Variants in OXR1 observed in about 807,000 individuals in gnomAD.
OXR1 encodes oxidation resistance protein 1.
Under a neutral mutation model 104.6 loss-of-function variants are expected in OXR1, and 41 were observed. That is an observed-to-expected ratio of 0.39 (90% CI 0.31 to 0.51). The LOEUF is 0.51. OXR1 is among the 20% of genes least tolerant of loss of function. OXR1 has a pLI of 0.77. For missense variants in OXR1, 955 were observed against 1,031.9 expected (o/e 0.93, Z 1.02); for synonymous variants, 348 against 348.4 (o/e 1.00, Z 0.01).
chr8:106,393,967 T>A (rs1817680249), intron 2 of OXR1, among the ~76,000 whole-genome samples: 1 of 152,140 alleles, frequency 6.6e-6, no homozygotes, highest in South Asian at 2.1e-4. Flanking sequence ...TTTAGCTATT[T>A]CTGTTTAACA....
chr8:106,651,288 C>A (rs1824549519), intron 3 of OXR1, among the ~76,000 whole-genome samples: 1 of 152,134 alleles, frequency 6.6e-6, no homozygotes, highest in African/African-American at 2.4e-5. Flanking sequence ...AGTAATGAAG[C>A]AAATTTGTTG....
chr8:106,365,637 A>C (rs1816440054), intron 2 of OXR1, among the ~76,000 whole-genome samples: 1 of 152,270 alleles, frequency 6.6e-6, no homozygotes, highest in African/African-American at 2.4e-5. Flanking sequence ...GATTAATACT[A>C]TTTTGATTTG....
chr8:106,357,264 T>C (rs528426915), intron 1 of OXR1, among the ~76,000 whole-genome samples: 2 of 151,830 alleles, frequency 1.3e-5, no homozygotes, highest in East Asian at 1.9e-4. Context: ...TCGATAAAAA[T>C]GAGGCAATAC....
At chr8:106,584,305 T>TA (rs1293408869) in intron 3 of OXR1, among the ~76,000 whole-genome samples, 1 of 147,446 alleles carries the variant, frequency 6.8e-6, no homozygotes, top group Non-Finnish European at 1.5e-5. Context: ...ATACCAGACT[T>TA]AAAAAAAGAG....
intron 3 of OXR1, among the ~76,000 whole-genome samples, chr8:106,649,851 C>T (rs1045810384): frequency 6.6e-6 from 1 of 152,060 alleles, no homozygotes; most frequent in Non-Finnish European, 1.5e-5. Flanking sequence ...CACCCACCGC[C>T]ACGCCCAGCT....
At chr8:106,451,929 T>A (rs74700190) in intron 2 of OXR1, among the ~76,000 whole-genome samples, 2,042 of 152,318 alleles carry the variant, frequency 0.013, 40 homozygotes, top group African/African-American at 0.044. Context: ...GCAGGAACGC[T>A]GCTACTGCTC....
intron 2 of OXR1, among the ~76,000 whole-genome samples, chr8:106,385,111 G>A (rs1038239847): frequency 6.6e-6 from 1 of 152,024 alleles, no homozygotes; most frequent in African/African-American, 2.4e-5. Context: ...TCTTCTTAAG[G>A]GACAGAAATA....
At chr8:106,490,445 G>A (rs1195742923) in intron 2 of OXR1, among the ~76,000 whole-genome samples, 3 of 152,092 alleles carry the variant, frequency 2.0e-5, no homozygotes, top group Non-Finnish European at 4.4e-5. Flanking sequence ...TGCAACCTCC[G>A]TCTCCCAGGT....
chr8:106,686,632 C>T (rs1828756037), intron 6 of OXR1, among the ~76,000 whole-genome samples: 1 of 151,958 alleles, frequency 6.6e-6, no homozygotes. Flanking sequence ...AAAATAATGT[C>T]TATTAGTATT....
intron 3 of OXR1, among the ~76,000 whole-genome samples, chr8:106,534,298 C>A (rs1253300127): frequency 6.6e-6 from 1 of 152,136 alleles, no homozygotes; most frequent in Non-Finnish European, 1.5e-5. Context: ...CTATTTGATC[C>A]CAAGTTATCA....
At chr8:106,591,268 C>A in intron 3 of OXR1, among the ~76,000 whole-genome samples, 1 of 120,780 alleles carries the variant, frequency 8.3e-6, no homozygotes, top group Non-Finnish European at 1.6e-5. Context: ...AGGGGAACAT[C>A]ACACACTGGG....
intron 3 of OXR1, among the ~76,000 whole-genome samples, chr8:106,632,862 C>T (rs979750792): frequency 6.6e-6 from 1 of 152,082 alleles, no homozygotes; most frequent in African/African-American, 2.4e-5. Flanking sequence ...TCACTTGAGC[C>T]CAGGAGGCAG....
chr8:106,634,705 C>T (rs1822987839), intron 3 of OXR1, among the ~76,000 whole-genome samples: 1 of 152,002 alleles, frequency 6.6e-6, no homozygotes. Context: ...GTTTTTTAGA[C>T]TTAACATCAT....
At chr8:106,671,941 A>G (rs555713769) in intron 3 of OXR1, among the ~76,000 whole-genome samples, 20 of 148,798 alleles carry the variant, frequency 1.3e-4, no homozygotes, top group Non-Finnish European at 3.0e-4. Context: ...CATGTTGTGC[A>G]CATGTACCCT....
At position 106,739,491 on chromosome 8, in the gene OXR1, G is replaced by A. The variant is rs766033726; in HGVS notation, c.2071G>A (p.Val691Ile). Residue 691 changes from valine to isoleucine, a missense_variant, in exon 13 of 17, where the codon GTT becomes ATT. Val to Ile is a conservative substitution (Grantham distance 29). Around this residue, in one of 2 missense-constraint regions of OXR1, gnomAD observed 849 missense variants for 852.9 expected, o/e 1.00. Transcript: ENST00000517566. ...TTREDINSKQ[V>I]ATVKADLESE... ...AAGGGAAGACATAAATTCAAAGCAG[G>A]TTGCTACAGTGAAAGCAGACCTGGA... is the stretch of plus-strand genomic sequence containing the variant. 1.9e-6 allele frequency: 3 copies of A among 1,612,722 alleles called. No individual in the cohort carries two copies. The highest frequency in any genetic ancestry group is 1.3e-5 in the African/African-American group (1 of 74,866).
Position 106,684,354 on chromosome 8 carries a change from AC to A in OXR1, c.522del (p.Thr175LeufsTer59). ...ATCATCTGAGGCTGAATTTGATAAGACCACTGTAAGTATCTCTGCTTTGCAA... is the reference window on the plus strand; with the variant it reads ...ATCATCTGAGGCTGAATTTGATAAGACACTGTAAGTATCTCTGCTTTGCAA... Reference protein sequence around the residue: ...PTSSEAEFDKTTNPDVHPTEA... With the variant: ...PTSSEAEFDKXTNPDVHPTEA... On this transcript the variant is annotated frameshift_variant, in exon 6 of 17. Coordinates refer to ENST00000517566, the MANE Select transcript of OXR1 (RefSeq NM_001198533.2). LOFTEE classifies it high-confidence loss of function. 6.6e-7 allele frequency: 1 copy of A among 1,509,802 alleles called. No homozygotes were observed. The highest frequency in any genetic ancestry group is 9.2e-7 in the Non-Finnish European group (1 of 1,085,172). The allele number at this position is 1,509,802 out of a possible 1,614,324, so 93.5% of individuals were successfully genotyped here. A position where few individuals can be genotyped will look rare whatever the true frequency, so the allele number is the denominator to read the frequency against.
intron 3 of OXR1, among the ~76,000 whole-genome samples, chr8:106,667,969 A>G (rs1400594712): frequency 6.6e-6 from 1 of 151,104 alleles, no homozygotes; most frequent in Non-Finnish European, 1.5e-5. Flanking sequence ...CAAATTCTAA[A>G]AAAAAAAAAA....
intron 11 of OXR1, among the ~76,000 whole-genome samples, chr8:106,718,820 C>CA (rs1332354056): frequency 2.9e-5 from 4 of 138,200 alleles, no homozygotes; most frequent in African/African-American, 5.7e-5. Context: ...GCCTGGGCGA[C>CA]AGAGCGAGAC....
chr8:106,548,455 T>C (rs1185432684), intron 3 of OXR1, among the ~76,000 whole-genome samples: 2 of 152,024 alleles, frequency 1.3e-5, no homozygotes, highest in African/African-American at 4.8e-5. Flanking sequence ...TAGCTAAACA[T>C]TTTCTAATAT....
Sources: allele counts gnomAD v4.1 joint callset (sites outside exome capture counted in the v4.1 genomes callset), GRCh38; gene constraint gnomAD v4.1.1; regional missense constraint gnomAD v4.1.1; transcripts MANE v1.5; gene names NCBI Gene and HGNC (gene_info 2026-07-23, HGNC 2026-07-21).